The following FOXP2 variants were observed in gnomAD, a reference collection of about 807,000 sequenced individuals.
FOXP2 encodes the protein forkhead box P2, also known as forkhead box protein P2.
Under a neutral mutation model 115.8 loss-of-function variants are expected in FOXP2, and 12 were observed. The observed-to-expected ratio is 0.10, with a 90% CI of 0.07 to 0.17. FOXP2 has a LOEUF of 0.17. Ranked by LOEUF, FOXP2 falls within the 10% of genes least tolerant of loss-of-function variation. The probability of loss-of-function intolerance (pLI) is 1.00; values close to 1 mark genes in which losing one functional copy is unlikely to be tolerated. For synonymous variants in FOXP2, 328 were observed against 297.7 expected, an observed-to-expected ratio of 1.10 and a Z score of -1.05; for missense variants, 629 against 843.5, an observed-to-expected ratio of 0.75 and a Z score of 3.15.
At chr7:114,539,109 C>A (rs1161554222) in intron 3 of FOXP2, among the ~76,000 whole-genome samples, 3 of 151,586 alleles carry the variant, frequency 2.0e-5, no homozygotes, top group African/African-American at 7.3e-5. Flanking sequence ...ATAACAAAAG[C>A]TGACAAAACC....
At chr7:114,312,665 G>A (rs1344999766) in intron 2 of FOXP2, among the ~76,000 whole-genome samples, 1 of 152,192 alleles carries the variant, frequency 6.6e-6, no homozygotes, top group South Asian at 2.1e-4. Flanking sequence ...CAGCACAGCA[G>A]GCAGCATAAG....
chr7:114,288,205 T>C (rs1338503663), intron 2 of FOXP2: 1 of 412,692 alleles, frequency 2.4e-6, no homozygotes, highest in East Asian at 7.1e-5. Flanking sequence ...TGGTTAAATA[T>C]GTTTGCCCAA....
At chr7:114,312,900 A>G (rs1467002694) in intron 2 of FOXP2, among the ~76,000 whole-genome samples, 1 of 152,216 alleles carries the variant, frequency 6.6e-6, no homozygotes, top group Non-Finnish European at 1.5e-5. Context: ...GGGCAAGAGC[A>G]ATCAAGGGCT....
upstream of FOXP2, among the ~76,000 whole-genome samples, chr7:114,161,687 T>G (rs567181043): frequency 7.2e-5 from 11 of 152,124 alleles, no homozygotes; most frequent in South Asian, 2.3e-3. Context: ...ATGTTCCCCC[T>G]GAATTCCAGT....
intron 2 of FOXP2, among the ~76,000 whole-genome samples, chr7:114,358,251 A>T (rs1312743178): frequency 1.3e-5 from 2 of 152,132 alleles, no homozygotes. Flanking sequence ...GCCTTCCACC[A>T]TGATTGTGAG....
intron 1 of FOXP2, among the ~76,000 whole-genome samples, chr7:114,114,243 G>A (rs978039680): frequency 3.3e-5 from 5 of 149,418 alleles, no homozygotes; most frequent in African/African-American, 4.9e-5. Flanking sequence ...ATATATATAC[G>A]CATATATACA....
chr7:114,463,456 T>G (rs1420673508), intron 2 of FOXP2, among the ~76,000 whole-genome samples: 2 of 152,214 alleles, frequency 1.3e-5, no homozygotes, highest in Non-Finnish European at 2.9e-5. Context: ...TTAATGTGTT[T>G]AATTTTAAGG....
chr7:114,583,522 A>G (rs1801973223), intron 3 of FOXP2, among the ~76,000 whole-genome samples: 1 of 152,152 alleles, frequency 6.6e-6, no homozygotes, highest in Admixed American at 6.5e-5. Flanking sequence ...CCAAAAGCTA[A>G]CCCCTAGGCC....
rs111262208 is a variant in FOXP2, at chr7:114,392,581, G to T, written c.-10-33921G>T. 2.4e-3 allele frequency among the ~76,000 whole-genome samples: 362 copies of T among 152,270 alleles called. 5 individuals carry two copies. The highest frequency in any genetic ancestry group is 8.1e-3 in the African/African-American group (337 of 41,548). On this transcript the variant is annotated intron_variant, in intron 2 of 17. Coordinates refer to the FOXP2 transcript ENST00000634411. ...ATAAAATAGTATGAATTGCCTCTTG[G>T]TAGTGAAGCTTTTCTGATAGAAATA...
intron 6 of FOXP2, among the ~76,000 whole-genome samples, chr7:114,637,110 G>A (rs1055128272): frequency 2.0e-5 from 3 of 152,112 alleles, no homozygotes; most frequent in African/African-American, 7.2e-5. Context: ...TTCAGCCCAG[G>A]TCAGGGCTAT....
In FOXP2 at chr7:114,117,204, A is replaced by C. The variant is rs1791432413; in HGVS notation, c.-247+29366A>C. ...AATGCTTTAGGAATATTTAGAATATATATTATATACATTACATTACTTTTT... is the reference window on the plus strand; with the variant it reads ...AATGCTTTAGGAATATTTAGAATATCTATTATATACATTACATTACTTTTT... On this transcript the variant is annotated intron_variant, in intron 1 of 19. Transcript: ENST00000635638. 2.0e-5 allele frequency among the ~76,000 whole-genome samples: 3 copies of C among 151,390 alleles called. No individual in the cohort carries two copies. In the South Asian group the frequency reaches 6.2e-4, roughly 31 times the overall value.
chr7:114,476,643 C>T (rs920308757), intron 2 of FOXP2, among the ~76,000 whole-genome samples: 5 of 151,574 alleles, frequency 3.3e-5, no homozygotes, highest in African/African-American at 1.2e-4. Context: ...AATTTTTTTT[C>T]TAATTCTGTC....
chr7:114,242,487 T>G (rs1455080444), intron 1 of FOXP2, among the ~76,000 whole-genome samples: 3 of 152,076 alleles, frequency 2.0e-5, no homozygotes, highest in Admixed American at 2.0e-4. Context: ...CATTCTTTTT[T>G]CCAAGGACCC....
In FOXP2 at chr7:114,654,662, C is replaced by G. The variant is rs149962395; in HGVS notation, c.1266+653C>G. On this transcript the variant is annotated intron_variant, in intron 10 of 16. Transcript: ENST00000350908. ...CAACCTAATAATGTAGTCAGATACA[C>G]AGACTGTTGAAAAGAATATACTTTA... 1.3e-3 allele frequency among the ~76,000 whole-genome samples: 198 copies of G among 152,224 alleles called. 1 individual carries two copies. Among genetic ancestry groups the G allele is most frequent in the African/African-American group, 4.6e-3 (191 of 41,550 alleles).
rs991064726 is a variant in FOXP2 at position 114,229,051 on chromosome 7, GA to G, written c.-101-58965del. On this transcript the variant is annotated intron_variant, in intron 1 of 17. Transcript: ENST00000634411. ...ACACAGACTTTAAGTGAAAGGGTAGGAAATGATATTTCACATAAATCATGAC... is the reference window on the plus strand; with the variant it reads ...ACACAGACTTTAAGTGAAAGGGTAGGAATGATATTTCACATAAATCATGAC... Among the ~76,000 whole-genome samples, 263 of 151,442 alleles carry G rather than the reference GA, an allele frequency of 1.7e-3. 2 individuals carry two copies. Among genetic ancestry groups the G allele is most frequent in the African/African-American group, 6.3e-3 (259 of 41,406 alleles).
At chr7:114,140,390 C>G (rs1408131567) in intron 1 of FOXP2, among the ~76,000 whole-genome samples, 1 of 152,088 alleles carries the variant, frequency 6.6e-6, no homozygotes, top group Non-Finnish European at 1.5e-5. Context: ...GAATTATTTG[C>G]CCTTGGCTTG....
At chr7:114,688,382 G>T (rs1467411384) in intron 16 of FOXP2, among the ~76,000 whole-genome samples, 2 of 151,782 alleles carry the variant, frequency 1.3e-5, no homozygotes, top group African/African-American at 4.8e-5. Flanking sequence ...TCCCAATAAG[G>T]TTTGAATAAT....
At position 114,415,056 on chromosome 7, in the gene FOXP2, T is replaced by A. The variant is rs1206932975; in HGVS notation, c.-315T>A. 2.2e-6 allele frequency: 1 copy of A among 454,218 alleles called. No homozygotes were observed. Among genetic ancestry groups the A allele is most frequent in the South Asian group, 1.6e-5 (1 of 64,454 alleles). The allele number at this position is 454,218 out of a possible 1,614,324, so 28.1% of individuals were successfully genotyped here. A position where few individuals can be genotyped will look rare whatever the true frequency, so the allele number is the denominator to read the frequency against. The stretch of plus-strand genomic sequence containing the variant: ...AAGACATACCCTAGTGATTAAATGC[T>A]GATTTTGTGTACGATTGTCCACGGA... On this transcript the variant is annotated 5_prime_UTR_variant, in exon 1 of 17. Transcript: ENST00000350908.
At chr7:114,415,639 C>T (rs1793306231) in intron 1 of FOXP2, among the ~76,000 whole-genome samples, 1 of 151,876 alleles carries the variant, frequency 6.6e-6, no homozygotes, top group Admixed American at 6.6e-5. Context: ...AAAAAAAAAT[C>T]TGCAAGATCT....
Sources: gnomAD v4.1 joint callset for allele counts (sites outside exome capture counted in the v4.1 genomes callset) on GRCh38, gnomAD v4.1.1 for gene constraint, MANE v1.5 for transcripts, NCBI Gene and HGNC (gene_info 2026-07-23, HGNC 2026-07-21) for gene names.